Variants in GAPVD1 observed in about 807,000 individuals in gnomAD.
The protein encoded by GAPVD1 is GTPase-activating protein and VPS9 domain-containing protein 1.
Under a neutral mutation model 155.5 loss-of-function variants are expected in GAPVD1, and 35 were observed. The observed-to-expected ratio is 0.23, with a 90% CI of 0.17 to 0.30. GAPVD1 has a LOEUF of 0.30. Ranked by LOEUF, GAPVD1 falls within the 10% of genes least tolerant of loss-of-function variation. GAPVD1 has a pLI of 1.00. For synonymous variants in GAPVD1, 636 were observed against 619.7 expected (o/e 1.03, Z -0.39); for missense variants, 1,429 against 1,775.7 (o/e 0.80, Z 3.51).
At chr9:125,332,655 T>A in intron 15 of GAPVD1, 26 bp downstream of exon 15, 1 of 1,597,118 alleles carries the variant, frequency 6.3e-7, no homozygotes, top group Non-Finnish European at 8.5e-7. Context: ...GAGGATGACT[T>A]AAAAAATGAC....
intron 6 of GAPVD1, among the ~76,000 whole-genome samples, chr9:125,305,916 G>A (rs764765937): frequency 5.9e-5 from 9 of 152,042 alleles, no homozygotes; most frequent in African/African-American, 1.7e-4. Flanking sequence ...GCATTCCAGC[G>A]TGCTAGGATT....
chr9:125,335,839 G>A (rs1201416491), intron 15 of GAPVD1, among the ~76,000 whole-genome samples: 2 of 151,776 alleles, frequency 1.3e-5, no homozygotes, highest in African/African-American at 2.4e-5. Context: ...AGCTATTAGG[G>A]TCAGTAATTT....
At chr9:125,336,801 C>T (rs1036858414) in intron 15 of GAPVD1, 37 of 530,054 alleles carry the variant, frequency 7.0e-5, no homozygotes, top group Non-Finnish European at 1.2e-4. Flanking sequence ...AGATGCCAGA[C>T]CACTTAAATG....
chr9:125,299,151 A>G, intron 4 of GAPVD1, 45 bp downstream of exon 4: 1 of 1,004,226 alleles, frequency 1.0e-6, no homozygotes, highest in South Asian at 1.7e-5. Context: ...AACCACTATG[A>G]TTCTGTAAAT....
At chr9:125,263,829 A>G in intron 1 of GAPVD1, 1 of 1,126,708 alleles carries the variant, frequency 8.9e-7, no homozygotes, top group Non-Finnish European at 1.3e-6. Flanking sequence ...GGCGTAGGGT[A>G]GCAGGTACAG....
At chr9:125,346,265 C>G (rs1643128390) in intron 19 of GAPVD1, 1 of 162,046 alleles carries the variant, frequency 6.2e-6, no homozygotes, top group Non-Finnish European at 1.3e-5. Context: ...CAAAAGTGCT[C>G]TATTCCAGCA....
intron 12 of GAPVD1, among the ~76,000 whole-genome samples, chr9:125,328,343 T>C (rs1329946117): frequency 7.4e-6 from 1 of 135,406 alleles, no homozygotes; most frequent in Admixed American, 7.4e-5. Context: ...CAGAGGACCC[T>C]GCGGCCTTCC....
At chr9:125,323,738 A>G (rs1363605617) in intron 10 of GAPVD1, 60 bp from the exon 11 acceptor site, 43 of 1,571,532 alleles carry the variant, frequency 2.7e-5, no homozygotes, top group Non-Finnish European at 3.1e-5. Flanking sequence ...GGCATGAAAA[A>G]TTGTGTGGTG....
At chr9:125,308,632 T>C (rs1275546863) in intron 8 of GAPVD1, 2 of 152,176 alleles carry the variant, frequency 1.3e-5, no homozygotes, top group Non-Finnish European at 2.9e-5. Context: ...ATAAAAAAAT[T>C]AATTGAGCAT....
intron 11 of GAPVD1, among the ~76,000 whole-genome samples, chr9:125,324,269 CTGAG>C (rs1844811548): frequency 6.6e-6 from 1 of 152,038 alleles, no homozygotes; most frequent in Non-Finnish European, 1.5e-5. Context: ...TTTGGCAGTT[CTGAG>C]TGAGAGATAC....
At chr9:125,322,151 G>A (rs1405275732) in intron 10 of GAPVD1, among the ~76,000 whole-genome samples, 13 of 151,764 alleles carry the variant, frequency 8.6e-5, no homozygotes, top group Non-Finnish European at 8.8e-5. Context: ...TGCAAGCTCC[G>A]CCTCCCGGGT....
rs1375238735 is a variant in GAPVD1, at chr9:125,261,945, C to G, written c.-213C>G. The G allele has an allele frequency of 1.3e-5, 2 of 153,128 alleles. No homozygotes were observed. Among genetic ancestry groups the G allele is most frequent in the East Asian group, 1.9e-4 (1 of 5,228 alleles). 9.5% of individuals were successfully genotyped at this position (153,128 alleles called of 1,614,324 possible). On this transcript the variant is annotated 5_prime_UTR_variant, in exon 1 of 28. Coordinates refer to ENST00000297933, the MANE Select transcript of GAPVD1 (RefSeq NM_001282680.3). ...CGACAGAGTCCTCCGTGTCCTCCCC[C>G]GCATGACCCCCTTGGTGAGTACGCG... is the stretch of plus-strand genomic sequence containing the variant.
rs187019678 is a variant in GAPVD1, at chr9:125,311,580, C to T, written c.1442-872C>T. Among the ~76,000 whole-genome samples, 3 of 152,300 alleles carry T rather than the reference C, an allele frequency of 2.0e-5. No homozygotes were observed. In the East Asian group the frequency reaches 5.8e-4, roughly 29 times the overall value. On this transcript the variant is annotated intron_variant, in intron 8 of 27. Transcript: ENST00000297933. ...TGATCGCAATGAGCCGAGACTGCGC[C>T]ATTGCACTGTAGCCTGGGCAACAAG...
intron 2 of GAPVD1, among the ~76,000 whole-genome samples, chr9:125,275,929 A>G (rs979709572): frequency 3.3e-5 from 5 of 152,242 alleles, no homozygotes; most frequent in Non-Finnish European, 5.9e-5. Flanking sequence ...GTTGAGTTGT[A>G]TAATAAAATC....
intron 2 of GAPVD1, among the ~76,000 whole-genome samples, chr9:125,285,608 C>T (rs746263960): frequency 6.6e-5 from 10 of 151,190 alleles, no homozygotes; most frequent in Non-Finnish European, 1.3e-4. Context: ...TACAGGCATC[C>T]GCCACCACAC....
chr9:125,366,388 G>T lies in GAPVD1; in HGVS notation c.*3642G>T, dbSNP rs961404114. 6.6e-6 allele frequency: 1 copy of T among 152,144 alleles called. No individual in the cohort carries two copies. Among genetic ancestry groups the T allele is most frequent in the Non-Finnish European group, 1.5e-5 (1 of 68,036 alleles). 9.4% of individuals were successfully genotyped at this position (152,144 alleles called of 1,614,324 possible). A position where few individuals can be genotyped will look rare whatever the true frequency, so the allele number is the denominator to read the frequency against. Reference sequence around the variant, plus strand: ...AAATTGTTTTTCTCCTATGTGATTGGGTGTGAAGAGGGAAAGTAGGAATAC... The same window carrying T: ...AAATTGTTTTTCTCCTATGTGATTGTGTGTGAAGAGGGAAAGTAGGAATAC... On this transcript the variant is annotated 3_prime_UTR_variant, in exon 28 of 28. Transcript: ENST00000297933.
Position 125,302,582 on chromosome 9 carries a change from T to C in GAPVD1, c.785T>C (p.Val262Ala), listed in dbSNP as rs531525173. 6.2e-7 allele frequency: 1 copy of C among 1,614,072 alleles called. No individual in the cohort carries two copies. The highest frequency in any genetic ancestry group is 1.3e-5 in the African/African-American group (1 of 75,060). Residue 262 changes from valine to alanine, a missense_variant, in exon 5 of 28, where the codon GTG (valine) becomes GCG (alanine). This residue lies in a region of GAPVD1 where 628 missense variants were observed against 733.4 expected (regional missense o/e 0.86). Coordinates refer to ENST00000297933, the MANE Select transcript of GAPVD1 (RefSeq NM_001282680.3). ...AATGAAGCAAAGCTAGTGGCTTTGG[T>C]GAACAAATTTATTGGTTATCTCAAA... Reference protein sequence around the residue: ...ESNEAKLVALVNKFIGYLKQN... With the variant: ...ESNEAKLVALANKFIGYLKQN...
Position 125,345,226 on chromosome 9 carries a change from G to A in GAPVD1, c.3047-1593G>A, listed in dbSNP as rs367637143. Among the ~76,000 whole-genome samples, 153 of 151,498 alleles carry A rather than the reference G, an allele frequency of 1.0e-3. 4 individuals are homozygous for A. In the South Asian group the frequency reaches 0.031, roughly 30 times the overall value. On this transcript the variant is annotated intron_variant, in intron 19 of 27. Transcript: ENST00000297933. ...GACAGTATCTTGCCCTGCTGCCCAG[G>A]ATGGAGTGCAGTGGCGCGATCTCAG...
At chr9:125,319,053 G>A (rs1843880967) in intron 9 of GAPVD1, among the ~76,000 whole-genome samples, 2 of 152,090 alleles carry the variant, frequency 1.3e-5, no homozygotes, top group Admixed American at 1.3e-4. Flanking sequence ...GCACATGCCT[G>A]TAATCCCAGC....
Sources: gnomAD v4.1 joint callset for allele counts (sites outside exome capture counted in the v4.1 genomes callset) on GRCh38, gnomAD v4.1.1 for gene constraint, gnomAD v4.1.1 regional missense constraint, MANE v1.5 for transcripts, NCBI Gene and HGNC (gene_info 2026-07-23, HGNC 2026-07-21) for gene names.